The following MARCHF1 variants were observed in gnomAD, a reference collection of about 807,000 sequenced individuals.
The protein encoded by MARCHF1 is membrane associated ring-CH-type finger 1, also known as E3 ubiquitin-protein ligase MARCHF1.
In MARCHF1, 40 loss-of-function variants were observed where a neutral mutation model predicts 54.2. The observed-to-expected ratio is 0.74, with a 90% CI of 0.57 to 0.96. The LOEUF (loss-of-function observed/expected upper bound fraction) is 0.96, where lower values mean the gene tolerates loss of function less well. Ranked by LOEUF, MARCHF1 falls within the 40% of genes least tolerant of loss-of-function variation. The pLI is 0.00. For missense variants in MARCHF1, 586 were observed against 656.5 expected (o/e 0.89, Z 1.17); for synonymous variants, 236 against 236.3 (o/e 1.00, Z 0.01).
chr4:164,333,878 G>C (rs1729651052), intron 1 of MARCHF1, among the ~76,000 whole-genome samples: 1 of 152,242 alleles, frequency 6.6e-6, no homozygotes. Context: ...TGCTACTCCA[G>C]TGAACACATG....
chr4:164,257,947 G>A (rs1338150579), intron 1 of MARCHF1, among the ~76,000 whole-genome samples: 1 of 152,146 alleles, frequency 6.6e-6, no homozygotes, highest in African/African-American at 2.4e-5. Flanking sequence ...AAAGACACAT[G>A]CACACGTATG....
At chr4:163,614,581 G>T (rs1579114417) in intron 5 of MARCHF1, among the ~76,000 whole-genome samples, 1 of 152,074 alleles carries the variant, frequency 6.6e-6, no homozygotes, top group African/African-American at 2.4e-5. Flanking sequence ...ATGTAATCAT[G>T]ATTCTGAAAT....
intron 3 of MARCHF1, among the ~76,000 whole-genome samples, chr4:163,887,222 A>C (rs1341273815): frequency 6.6e-6 from 1 of 152,120 alleles, no homozygotes; most frequent in African/African-American, 2.4e-5. Flanking sequence ...GAAAGTAATT[A>C]ATAGATGTAT....
chr4:163,612,773 A>G lies in MARCHF1; in HGVS notation c.508T>C (p.Trp170Arg), dbSNP rs1328538687. 45 of 1,535,340 alleles carry G rather than the reference A, an allele frequency of 2.9e-5. No individual in the cohort carries two copies. Among genetic ancestry groups the G allele is most frequent in the Non-Finnish European group, 3.3e-5 (38 of 1,146,548 alleles). ...SDSSSTDESH[W>R]IQAKRRAQVK... ...TGGGCTCTTCTTTTTGCCTGAATCC[A>G]ATGACTCTCATCTGTGGAAGATGAA... Residue 170 changes from tryptophan (W) to arginine (R), a missense_variant, in exon 7 of 10, where the codon TGG becomes CGG. Around this residue, in one of 3 missense-constraint regions of MARCHF1, gnomAD observed 387 missense variants for 394.6 expected, o/e 0.98. Transcript: ENST00000514618.
At chr4:163,951,352 T>C (rs1243893268) in intron 3 of MARCHF1, among the ~76,000 whole-genome samples, 1 of 152,172 alleles carries the variant, frequency 6.6e-6, no homozygotes, top group Non-Finnish European at 1.5e-5. Flanking sequence ...CGAACACAGG[T>C]GTAAGCCTTC....
intron 1 of MARCHF1, among the ~76,000 whole-genome samples, chr4:164,139,744 T>A (rs1009109875): frequency 2.6e-5 from 4 of 152,128 alleles, no homozygotes; most frequent in African/African-American, 4.8e-5. Flanking sequence ...GGAAAACCAA[T>A]GTTAAAGAAC....
At chr4:163,900,097 G>T (rs935620380) in intron 3 of MARCHF1, among the ~76,000 whole-genome samples, 1 of 151,852 alleles carries the variant, frequency 6.6e-6, no homozygotes, top group African/African-American at 2.4e-5. Flanking sequence ...CCTTCATCAA[G>T]ATTTTATTTA....
intron 1 of MARCHF1, among the ~76,000 whole-genome samples, chr4:164,252,191 T>C (rs1733147766): frequency 6.6e-6 from 1 of 152,204 alleles, no homozygotes; most frequent in Admixed American, 6.5e-5. Context: ...CCAGTGTTAC[T>C]GTGAATATAT....
At chr4:164,195,132 A>G (rs1477073708) in intron 1 of MARCHF1, among the ~76,000 whole-genome samples, 1 of 146,246 alleles carries the variant, frequency 6.8e-6, no homozygotes, top group Non-Finnish European at 1.5e-5. Flanking sequence ...CATGTCTTTT[A>G]TTTTTTTTTT....
chr4:163,629,195 G>T (rs1353946330), intron 5 of MARCHF1, among the ~76,000 whole-genome samples: 1 of 152,090 alleles, frequency 6.6e-6, no homozygotes, highest in Non-Finnish European at 1.5e-5. Flanking sequence ...CATGGTACTG[G>T]TACCAAAACA....
intron 1 of MARCHF1, among the ~76,000 whole-genome samples, chr4:164,318,957 T>C (rs1735068872): frequency 1.3e-5 from 2 of 152,220 alleles, no homozygotes; most frequent in Admixed American, 1.3e-4. Flanking sequence ...TTGATAATAC[T>C]CAACTTATCT....
At chr4:163,765,348 C>T (rs1430575282) in intron 4 of MARCHF1, among the ~76,000 whole-genome samples, 4 of 152,070 alleles carry the variant, frequency 2.6e-5, no homozygotes, top group Non-Finnish European at 5.9e-5. Flanking sequence ...AAAGAAAACA[C>T]TCATCACTAA....
intron 5 of MARCHF1, among the ~76,000 whole-genome samples, chr4:163,682,994 T>A (rs1036457939): frequency 6.6e-6 from 1 of 152,180 alleles, no homozygotes; most frequent in African/African-American, 2.4e-5. Flanking sequence ...AATGTATTGT[T>A]GTAATAAAAT....
Position 163,968,969 on chromosome 4 carries a change from C to T in MARCHF1, c.-39+19532G>A, listed in dbSNP as rs79289016. The stretch of plus-strand genomic sequence containing the variant: ...GGGAGGAAAACAGGACTTAGAGGTC[C>T]TAGAAATATCCTGGATTACAGAGCT... On this transcript the variant is annotated intron_variant, in intron 3 of 9. Coordinates refer to ENST00000514618, the MANE Select transcript of MARCHF1 (RefSeq NM_001394959.1). Among the ~76,000 whole-genome samples the T allele has an allele frequency of 9.8e-3, 1,497 of 152,146 alleles. 26 individuals carry two copies. Among genetic ancestry groups the T allele is most frequent in the African/African-American group, 0.034 (1,421 of 41,532 alleles).
At chr4:163,770,520 GAACACACACACACACA>G (rs1281702963) in intron 4 of MARCHF1, among the ~76,000 whole-genome samples, 3 of 121,872 alleles carry the variant, frequency 2.5e-5, no homozygotes, top group Non-Finnish European at 4.8e-5. Flanking sequence ...TTCCCTCACT[GAACACACACACACACA>G]CACACACACA....
chr4:163,728,677 C>T lies in MARCHF1; in HGVS notation c.112-27814G>A, dbSNP rs866024458. 2.6e-5 allele frequency among the ~76,000 whole-genome samples: 4 copies of T among 152,188 alleles called. No individual in the cohort carries two copies. The South Asian group carries it at 8.3e-4, about 32-fold the overall frequency. On this transcript the variant is annotated intron_variant, in intron 4 of 9. Transcript: ENST00000514618. ...CCTGAAACCTCACAATAATCACTTC[C>T]TAGGTTTAGCCTTTTTGATTTTGTT...
intron 1 of MARCHF1, among the ~76,000 whole-genome samples, chr4:164,268,884 A>C (rs1014041712): frequency 2.6e-5 from 4 of 152,148 alleles, no homozygotes; most frequent in African/African-American, 9.7e-5. Context: ...AACTTAACGG[A>C]AGGAGCTGCC....
chr4:164,142,363 G>A (rs1756567532), intron 1 of MARCHF1, among the ~76,000 whole-genome samples: 1 of 152,126 alleles, frequency 6.6e-6, no homozygotes, highest in South Asian at 2.1e-4. Flanking sequence ...TCCACCTCTG[G>A]GGGCAGGGCA....
chr4:163,632,168 T>C (rs916525848), intron 5 of MARCHF1, among the ~76,000 whole-genome samples: 1 of 152,178 alleles, frequency 6.6e-6, no homozygotes, highest in African/African-American at 2.4e-5. Context: ...CTGGAAAATA[T>C]AGGTAGAATT....
Sources: gnomAD v4.1 joint callset for allele counts (sites outside exome capture counted in the v4.1 genomes callset) on GRCh38, gnomAD v4.1.1 for gene constraint, gnomAD v4.1.1 regional missense constraint, MANE v1.5 for transcripts, NCBI Gene and HGNC (gene_info 2026-07-23, HGNC 2026-07-21) for gene names.